Variants in MAPK8 observed in about 807,000 individuals in gnomAD.
The protein encoded by MAPK8 is mitogen-activated protein kinase 8.
MAPK8 carries 13 observed loss-of-function variants against 52.9 expected under a neutral mutation model. That is an observed-to-expected ratio of 0.25 (90% CI 0.16 to 0.39). MAPK8 has a LOEUF of 0.39. Ranked by LOEUF, MAPK8 falls within the 10% of genes least tolerant of loss-of-function variation. The pLI is 1.00. For missense variants in MAPK8, 300 were observed against 519.2 expected, an observed-to-expected ratio of 0.58 and a Z score of 4.10; for synonymous variants, 191 against 169.8, an observed-to-expected ratio of 1.12 and a Z score of -0.97.
rs1035702218 is a variant in MAPK8, at chr10:48,439,355, A to T, written c.*4326A>T. 1.3e-5 allele frequency: 2 copies of T among 151,420 alleles called. No homozygotes were observed. Among genetic ancestry groups the T allele is most frequent in the African/African-American group, 4.9e-5 (2 of 41,080 alleles). 9.4% of individuals were successfully genotyped at this position (151,420 alleles called of 1,614,324 possible). A position where few individuals can be genotyped will look rare whatever the true frequency, so the allele number is the denominator to read the frequency against. ...AAAAGAAAAAAGTGGTATGAAAATTATGAAATTAAGAGTTTTTTCATTGAA... is the reference window on the plus strand; with the variant it reads ...AAAAGAAAAAAGTGGTATGAAAATTTTGAAATTAAGAGTTTTTTCATTGAA... On this transcript the variant is annotated 3_prime_UTR_variant, in exon 12 of 12. Transcript: ENST00000374189.
At chr10:48,398,319 C>T (rs977943429) in intron 1 of MAPK8, among the ~76,000 whole-genome samples, 2 of 151,852 alleles carry the variant, frequency 1.3e-5, no homozygotes, top group African/African-American at 4.8e-5. Context: ...AGCTATTTCA[C>T]CAAAAATAAT....
At chr10:48,431,000 T>C in intron 10 of MAPK8, 193 bp from the exon 11 acceptor site, 1 of 609,492 alleles carries the variant, frequency 1.6e-6, no homozygotes, top group Non-Finnish European at 2.9e-6. Context: ...TTTAATATGA[T>C]CCATTGTTGA....
Position 48,401,660 on chromosome 10 carries a change from C to G in MAPK8, c.-1C>G, listed in dbSNP as rs749289588. The G allele has an allele frequency of 6.2e-7, 1 of 1,610,704 alleles. No homozygotes were observed. Among genetic ancestry groups the G allele is most frequent in the Admixed American group, 1.7e-5 (1 of 59,398 alleles). The stretch of plus-strand genomic sequence containing the variant: ...AGCCATTAAATTAATTGCTTGCCAT[C>G]ATGAGCAGAAGCAAGCGTGACAACA... On this transcript the variant is annotated 5_prime_UTR_variant, in exon 2 of 12. The change creates a new upstream start codon in the 5' untranslated region. Coordinates refer to ENST00000374189, the MANE Select transcript of MAPK8 (RefSeq NM_001323329.2).
intron 1 of MAPK8, among the ~76,000 whole-genome samples, chr10:48,358,123 A>G (rs1847158400): frequency 6.6e-6 from 1 of 152,196 alleles, no homozygotes; most frequent in African/African-American, 2.4e-5. Context: ...TGCTATGAAC[A>G]TGTGTATCCA....
At chr10:48,414,473 G>C (rs1483725770) in intron 5 of MAPK8, among the ~76,000 whole-genome samples, 2 of 137,142 alleles carry the variant, frequency 1.5e-5, no homozygotes, top group Non-Finnish European at 3.1e-5. Context: ...TTTCCTGAGA[G>C]ACAGAATCTT....
At chr10:48,376,766 G>A (rs1480954744) in intron 1 of MAPK8, among the ~76,000 whole-genome samples, 1 of 152,168 alleles carries the variant, frequency 6.6e-6, no homozygotes, top group East Asian at 1.9e-4. Flanking sequence ...TGCACTGTTG[G>A]TGGGAGTGTA....
chr10:48,356,899 CAAAAAAA>C lies in MAPK8; in HGVS notation c.-49-44700_-49-44694del, dbSNP rs201368039. Among the ~76,000 whole-genome samples, 323 of 47,246 alleles carry C rather than the reference CAAAAAAA, an allele frequency of 6.8e-3. 1 individual carries two copies. Among genetic ancestry groups the C allele is most frequent in the African/African-American group, 0.022 (298 of 13,542 alleles). 31.0% of individuals were successfully genotyped at this position (47,246 alleles called of 152,430 possible). Reference sequence around the variant, plus strand: ...AAAAAAATCCAACTACGTAGTTTACCAAAAAAAAAAAAAAAAAAAGTTTAAAATGGTT... The same window carrying C: ...AAAAAAATCCAACTACGTAGTTTACCAAAAAAAAAAAAGTTTAAAATGGTT... On this transcript the variant is annotated intron_variant, in intron 1 of 11. Coordinates refer to ENST00000374189, the MANE Select transcript of MAPK8 (RefSeq NM_001323329.2).
rs543669495 is a variant in MAPK8, at chr10:48,327,780, G to C, written c.-50+20959G>C. ...TTTCTAATAGATACAGATCTATTCA[G>C]ATTATTGATATAGTTTCTTTAATAG... is the stretch of plus-strand genomic sequence containing the variant. On this transcript the variant is annotated intron_variant, in intron 1 of 11. Transcript: ENST00000374189. Among the ~76,000 whole-genome samples, 9 of 152,292 alleles carry C rather than the reference G, an allele frequency of 5.9e-5. No homozygotes were observed. The South Asian group carries it at 1.9e-3, about 32-fold the overall frequency.
rs1358367683 is a variant in MAPK8, at chr10:48,438,030, A to G, written c.*3001A>G. 9.9e-5 allele frequency: 15 copies of G among 152,268 alleles called. No individual in the cohort carries two copies. Among genetic ancestry groups the G allele is most frequent in the Non-Finnish European group, 1.5e-5 (1 of 68,040 alleles). 9.4% of individuals were successfully genotyped at this position (152,268 alleles called of 1,614,324 possible). ...CACTATTGGCCAGTATCTGCTAAAC[A>G]TATGAAGACTTAACTATTCAGTGTT... On this transcript the variant is annotated 3_prime_UTR_variant, in exon 12 of 12. Transcript: ENST00000374189.
intron 1 of MAPK8, among the ~76,000 whole-genome samples, chr10:48,354,812 G>T (rs1703904985): frequency 6.6e-6 from 1 of 151,574 alleles, no homozygotes; most frequent in Non-Finnish European, 1.5e-5. Context: ...AACAGAAAAA[G>T]AATTCCCTAA....
chr10:48,376,685 C>T (rs2040682908), intron 1 of MAPK8, among the ~76,000 whole-genome samples: 1 of 152,136 alleles, frequency 6.6e-6, no homozygotes, highest in Admixed American at 6.5e-5. Context: ...AATGAGATAC[C>T]ATCTCACTCC....
intron 1 of MAPK8, among the ~76,000 whole-genome samples, chr10:48,344,478 C>A (rs996324147): frequency 1.3e-5 from 2 of 152,138 alleles, no homozygotes; most frequent in Non-Finnish European, 2.9e-5. Flanking sequence ...TGGGGAGTTT[C>A]ACATCAGTCC....
intron 1 of MAPK8, among the ~76,000 whole-genome samples, chr10:48,369,531 A>G (rs1363624795): frequency 1.3e-5 from 2 of 152,148 alleles, no homozygotes; most frequent in African/African-American, 4.8e-5. Context: ...ATATGCATCT[A>G]TAGCAGAGGG....
At chr10:48,322,395 ATAATT>A (rs764292232) in intron 1 of MAPK8, among the ~76,000 whole-genome samples, 34 of 152,226 alleles carry the variant, frequency 2.2e-4, no homozygotes, top group Non-Finnish European at 4.6e-4. Flanking sequence ...AATTATATAG[ATAATT>A]TAAGGTTTGG....
chr10:48,337,625 G>T (rs1844822393), intron 1 of MAPK8, among the ~76,000 whole-genome samples: 1 of 152,018 alleles, frequency 6.6e-6, no homozygotes, highest in Non-Finnish European at 1.5e-5. Flanking sequence ...ACAGAATTGA[G>T]ACCAAAAAAT....
At chr10:48,320,243 T>TTTTTTTAA (rs1554809169) in intron 1 of MAPK8, among the ~76,000 whole-genome samples, 1 of 133,396 alleles carries the variant, frequency 7.5e-6, no homozygotes, top group African/African-American at 3.1e-5. Context: ...TTTTTTTTTT[T>TTTTTTTAA]AAATTAGATC....
intron 1 of MAPK8, among the ~76,000 whole-genome samples, chr10:48,315,874 T>C (rs1360206651): frequency 6.6e-6 from 1 of 152,082 alleles, no homozygotes; most frequent in Non-Finnish European, 1.5e-5. Flanking sequence ...TTTATAGTGG[T>C]GATTTTAGAA....
intron 5 of MAPK8, among the ~76,000 whole-genome samples, chr10:48,415,522 C>G (rs1387784609): frequency 6.6e-6 from 1 of 152,166 alleles, no homozygotes; most frequent in Non-Finnish European, 1.5e-5. Context: ...ATTTTGGCAG[C>G]ACACAAGGCT....
chr10:48,355,532 A>G lies in MAPK8; in HGVS notation c.-49-46080A>G, dbSNP rs534848784. Among the ~76,000 whole-genome samples, 4 of 150,412 alleles carry G rather than the reference A, an allele frequency of 2.7e-5. No homozygotes were observed. The East Asian group carries it at 5.9e-4, about 22-fold the overall frequency. ...TCAAAAAAAAAAAAAAAAATCCTCA[A>G]TAGATGAATTTAACTGCAGATTATA... On this transcript the variant is annotated intron_variant, in intron 1 of 11. Coordinates refer to ENST00000374189, the MANE Select transcript of MAPK8 (RefSeq NM_001323329.2).
Sources: gnomAD v4.1 joint callset for allele counts (sites outside exome capture counted in the v4.1 genomes callset) on GRCh38, gnomAD v4.1.1 for gene constraint, MANE v1.5 for transcripts, NCBI Gene and HGNC (gene_info 2026-07-23, HGNC 2026-07-21) for gene names.